ATP10B: variants seen among roughly 807,000 people sequenced by gnomAD.
ATP10B encodes the protein ATPase phospholipid transporting 10B (putative).
Under a neutral mutation model 141.2 loss-of-function variants are expected in ATP10B, and 122 were observed. The ratio of observed to expected loss-of-function variants is 0.86; its 90% CI spans 0.75 to 1.00. The LOEUF is 1.00. Among genes scored for constraint, ATP10B ranks in the 50% least tolerant of loss-of-function variants. The pLI is 0.00. For missense variants in ATP10B, 1,876 were observed against 1,825.3 expected (o/e 1.03, Z -0.51); for synonymous variants, 685 against 692.0 (o/e 0.99, Z 0.16).
intron 2 of ATP10B, among the ~76,000 whole-genome samples, chr5:160,745,486 T>A (rs2127813273): frequency 6.6e-6 from 1 of 152,344 alleles, no homozygotes; most frequent in East Asian, 1.9e-4. Flanking sequence ...ATCTATGCAA[T>A]CCTCCAGGCA....
At chr5:160,811,170 A>G (rs1266329987) in intron 1 of ATP10B, among the ~76,000 whole-genome samples, 1 of 152,204 alleles carries the variant, frequency 6.6e-6, no homozygotes. Context: ...AATAACCAGT[A>G]GCAATATCTA....
the ATP10B span, among the ~76,000 whole-genome samples, chr5:160,928,336 A>C: frequency 6.6e-6 from 1 of 152,192 alleles, no homozygotes; most frequent in Non-Finnish European, 1.5e-5. Context: ...GAGGTCTGAG[A>C]GGAAACCAAG....
intron 23 of ATP10B, among the ~76,000 whole-genome samples, chr5:160,590,006 C>A (rs2127611030): frequency 6.6e-6 from 1 of 152,246 alleles, no homozygotes; most frequent in South Asian, 2.1e-4. Flanking sequence ...TCTGTGTTTG[C>A]CTACAATGAG....
At chr5:160,697,878 C>T (rs1162763535) in intron 3 of ATP10B, among the ~76,000 whole-genome samples, 8 of 152,178 alleles carry the variant, frequency 5.3e-5, no homozygotes, top group African/African-American at 1.7e-4. Flanking sequence ...TTTTAACCCC[C>T]GATTGGTTTT....
intron 3 of ATP10B, among the ~76,000 whole-genome samples, chr5:160,693,623 C>G (rs1480722680): frequency 6.6e-6 from 1 of 152,156 alleles, no homozygotes; most frequent in Non-Finnish European, 1.5e-5. Flanking sequence ...GAGCAGAGGT[C>G]TTCAACCTTT....
At chr5:160,703,363 A>G (rs946193898) in intron 3 of ATP10B, among the ~76,000 whole-genome samples, 1 of 152,218 alleles carries the variant, frequency 6.6e-6, no homozygotes, top group African/African-American at 2.4e-5. Context: ...ATTATGTCTA[A>G]AAAATACATA....
chr5:160,790,116 C>G (rs1771461874), intron 1 of ATP10B, among the ~76,000 whole-genome samples: 1 of 152,182 alleles, frequency 6.6e-6, no homozygotes, highest in African/African-American at 2.4e-5. Flanking sequence ...TACTCATTGG[C>G]TGACCTTTGC....
chr5:160,901,294 T>C, the ATP10B span, among the ~76,000 whole-genome samples: 3 of 152,210 alleles, frequency 2.0e-5, no homozygotes, highest in Non-Finnish European at 4.4e-5. Flanking sequence ...TGTTTGCTCT[T>C]GATACAGTGT....
In ATP10B at chr5:160,687,875, G is replaced by A. The variant is rs2127747035; in HGVS notation, c.200C>T (p.Pro67Leu). ...QDWEEVSRRY[P>L]GNRTCTTKYT... ...TTTGGTTGTGCAGGTTCTGTTGCCAGGGTATCTCCTGGAGACCTCTTCCCA... is the reference window on the plus strand; with the variant it reads ...TTTGGTTGTGCAGGTTCTGTTGCCAAGGTATCTCCTGGAGACCTCTTCCCA... Residue 67 changes from proline to leucine, a missense_variant, in exon 5 of 26, where the codon CCT becomes CTT. Transcript: ENST00000327245. The A allele has an allele frequency of 1.2e-6, 2 of 1,614,190 alleles. No homozygotes were observed. The highest frequency in any genetic ancestry group is 4.5e-5 in the East Asian group (2 of 44,884).
intron 1 of ATP10B, among the ~76,000 whole-genome samples, chr5:160,850,116 G>A (rs1399214268): frequency 2.6e-5 from 4 of 152,044 alleles, no homozygotes; most frequent in African/African-American, 9.7e-5. Context: ...AGTGGTAGTA[G>A]AAGCAACACT....
intron 15 of ATP10B, among the ~76,000 whole-genome samples, chr5:160,619,656 T>C (rs868758319): frequency 6.6e-6 from 1 of 152,182 alleles, no homozygotes; most frequent in Non-Finnish European, 1.5e-5. Context: ...GCCCCATAAC[T>C]GTCTTCTCCT....
chr5:160,671,553 G>T (rs1260084278), intron 6 of ATP10B, among the ~76,000 whole-genome samples: 1 of 152,182 alleles, frequency 6.6e-6, no homozygotes, highest in Non-Finnish European at 1.5e-5. Flanking sequence ...GCTACCAGGA[G>T]TTTTGATGAA....
At chr5:160,588,506 T>C in intron 24 of ATP10B, among the ~76,000 whole-genome samples, 1 of 152,208 alleles carries the variant, frequency 6.6e-6, no homozygotes, top group Non-Finnish European at 1.5e-5. Context: ...CCATCTGAAC[T>C]TGGCTAAGGA....
intron 9 of ATP10B, among the ~76,000 whole-genome samples, chr5:160,642,910 C>T (rs1265485198): frequency 6.6e-6 from 1 of 152,318 alleles, no homozygotes; most frequent in African/African-American, 2.4e-5. Flanking sequence ...ATATCTGCCA[C>T]CTTATATACC....
chr5:160,847,163 A>G (rs1057116333), intron 1 of ATP10B, among the ~76,000 whole-genome samples: 18 of 152,196 alleles, frequency 1.2e-4, no homozygotes, highest in African/African-American at 4.1e-4. Flanking sequence ...TCTGTCTTAC[A>G]TGCTAATTTT....
intron 15 of ATP10B, among the ~76,000 whole-genome samples, chr5:160,619,651 A>G (rs1386442139): frequency 2.0e-5 from 3 of 152,210 alleles, no homozygotes; most frequent in Non-Finnish European, 4.4e-5. Context: ...TCATAGCCCC[A>G]TAACTGTCTT....
At chr5:160,842,169 A>C (rs1012027963) in intron 1 of ATP10B, among the ~76,000 whole-genome samples, 2 of 152,206 alleles carry the variant, frequency 1.3e-5, no homozygotes. Flanking sequence ...TAAGTAACCA[A>C]AGGATAACTA....
At chr5:160,872,889 T>G in the ATP10B span, among the ~76,000 whole-genome samples, 1 of 151,238 alleles carries the variant, frequency 6.6e-6, no homozygotes, top group African/African-American at 2.5e-5. Context: ...ATTTTAGAAT[T>G]GTTTTTTCTA....
chr5:160,715,768 G>T (rs1317995389), intron 3 of ATP10B, among the ~76,000 whole-genome samples: 2 of 151,776 alleles, frequency 1.3e-5, no homozygotes, highest in Non-Finnish European at 2.9e-5. Context: ...CTGGAGTGCA[G>T]TGGTGTGGTT....
Sources: gnomAD v4.1 joint callset for allele counts (sites outside exome capture counted in the v4.1 genomes callset) on GRCh38, gnomAD v4.1.1 for gene constraint, MANE v1.5 for transcripts, NCBI Gene and HGNC (gene_info 2026-07-23, HGNC 2026-07-21) for gene names.